ERC2: variants seen among roughly 807,000 people sequenced by gnomAD.
The protein encoded by ERC2 is ELKS/RAB6-interacting/CAST family member 2.
In ERC2, 42 loss-of-function variants were observed where a neutral mutation model predicts 114.8. The observed-to-expected ratio is 0.37, with a 90% CI of 0.29 to 0.47. The LOEUF (loss-of-function observed/expected upper bound fraction) is 0.47, where lower values mean the gene tolerates loss of function less well. Ranked by LOEUF, ERC2 falls within the 20% of genes least tolerant of loss-of-function variation. ERC2 has a pLI of 0.99. For synonymous variants in ERC2, 454 were observed against 425.5 expected, an observed-to-expected ratio of 1.07 and a Z score of -0.82; for missense variants, 939 against 1,150.7, an observed-to-expected ratio of 0.82 and a Z score of 2.66.
chr3:55,830,929 G>A (rs924363378), intron 14 of ERC2, among the ~76,000 whole-genome samples: 1 of 152,066 alleles, frequency 6.6e-6, no homozygotes, highest in Non-Finnish European at 1.5e-5. Context: ...GAGTGGCAGA[G>A]TGACACCCCA....
chr3:56,461,433 T>C (rs2107573088), intron 1 of ERC2, among the ~76,000 whole-genome samples: 1 of 152,286 alleles, frequency 6.6e-6, no homozygotes. Flanking sequence ...AAGGGCTCCA[T>C]CTCAACACAC....
intron 7 of ERC2, among the ~76,000 whole-genome samples, chr3:56,058,695 G>C (rs1442968122): frequency 6.6e-6 from 1 of 152,112 alleles, no homozygotes; most frequent in African/African-American, 2.4e-5. Context: ...CTGCCTTCAG[G>C]CTTCATCTGC....
At chr3:56,183,828 T>A (rs886336025) in intron 3 of ERC2, among the ~76,000 whole-genome samples, 1 of 151,898 alleles carries the variant, frequency 6.6e-6, no homozygotes, top group Non-Finnish European at 1.5e-5. Context: ...AGAGATGAGA[T>A]CCAAGAGGTA....
At chr3:56,278,142 C>T (rs930066945) in intron 3 of ERC2, among the ~76,000 whole-genome samples, 1 of 152,176 alleles carries the variant, frequency 6.6e-6, no homozygotes, top group African/African-American at 2.4e-5. Flanking sequence ...AAATGTTAGT[C>T]ATGATGATGA....
intron 3 of ERC2, among the ~76,000 whole-genome samples, chr3:56,283,856 T>G (rs2054511374): frequency 6.6e-6 from 1 of 152,244 alleles, no homozygotes; most frequent in Non-Finnish European, 1.5e-5. Flanking sequence ...GAGTGGCAGC[T>G]AATCTCCTTA....
intron 17 of ERC2, among the ~76,000 whole-genome samples, chr3:55,512,955 G>A (rs1002385783): frequency 2.6e-5 from 4 of 152,186 alleles, no homozygotes; most frequent in Admixed American, 6.5e-5. Context: ...TTCTGGGGGG[G>A]CAAAGAAGCA....
chr3:55,945,570 ATGT>A, intron 13 of ERC2, among the ~76,000 whole-genome samples: 1 of 152,328 alleles, frequency 6.6e-6, no homozygotes, highest in African/African-American at 2.4e-5. Context: ...TTTGAGGTTT[ATGT>A]TGTTTGTTAC....
chr3:55,695,878 T>C (rs1478114800), intron 16 of ERC2, among the ~76,000 whole-genome samples: 2 of 152,218 alleles, frequency 1.3e-5, no homozygotes, highest in African/African-American at 4.8e-5. Context: ...AATACTGGAT[T>C]AAATTAAATT....
At chr3:56,164,608 C>A (rs570130163) in intron 4 of ERC2, among the ~76,000 whole-genome samples, 1 of 151,992 alleles carries the variant, frequency 6.6e-6, no homozygotes, top group South Asian at 2.1e-4. Context: ...TGGGTGTGTA[C>A]CTACAAGTGA....
At chr3:55,622,490 T>C (rs2059368391) in intron 17 of ERC2, among the ~76,000 whole-genome samples, 1 of 152,120 alleles carries the variant, frequency 6.6e-6, no homozygotes, top group Non-Finnish European at 1.5e-5. Context: ...CAAAGGAAGA[T>C]AAAAGTGTGG....
chr3:56,154,767 T>G (rs2081603741), intron 4 of ERC2, among the ~76,000 whole-genome samples: 1 of 152,276 alleles, frequency 6.6e-6, no homozygotes, highest in Middle Eastern at 3.4e-3. Context: ...ACTATGCTCC[T>G]GAGTATGTTA....
intron 2 of ERC2, among the ~76,000 whole-genome samples, chr3:56,433,179 A>T (rs2061866064): frequency 2.2e-5 from 1 of 44,936 alleles, no homozygotes; most frequent in Admixed American, 3.3e-4. Flanking sequence ...CCTGTCTCTT[A>T]AAAAAAAAAA....
intron 11 of ERC2, among the ~76,000 whole-genome samples, chr3:55,986,864 T>C (rs2070682487): frequency 1.3e-5 from 2 of 151,994 alleles, no homozygotes; most frequent in Non-Finnish European, 2.9e-5. Flanking sequence ...TAGGAGCACA[T>C]AGTGGACATT....
At chr3:55,521,851 GCTGGC>G (rs2107208469) in intron 17 of ERC2, among the ~76,000 whole-genome samples, 2 of 152,314 alleles carry the variant, frequency 1.3e-5, no homozygotes, top group South Asian at 4.1e-4. Flanking sequence ...GTTGACACAC[GCTGGC>G]CTGGGTCGGT....
intron 5 of ERC2, among the ~76,000 whole-genome samples, chr3:56,140,982 C>T (rs1329115139): frequency 6.6e-6 from 1 of 152,138 alleles, no homozygotes; most frequent in Non-Finnish European, 1.5e-5. Flanking sequence ...CGAGATCACG[C>T]CACTGCCCTC....
chr3:55,691,573 A>AAAAAATAT (rs1553631525), intron 16 of ERC2, among the ~76,000 whole-genome samples: 17 of 39,726 alleles, frequency 4.3e-4, no homozygotes, highest in East Asian at 9.1e-4. Flanking sequence ...AAAAAAAAAA[A>AAAAAATAT]ATATATATAT....
Position 56,414,745 on chromosome 3 carries a change from A to G in ERC2, c.657+19606T>C, listed in dbSNP as rs189246342. On this transcript the variant is annotated intron_variant, in intron 2 of 17. Coordinates refer to ENST00000288221, the MANE Select transcript of ERC2 (RefSeq NM_015576.3). ...GTCTCAAAAAAAAAAAAAAGAAAAG[A>G]AAAGGAAAAGAAAAAGATGTCCCTT... Among the ~76,000 whole-genome samples, 266 of 151,254 alleles carry G rather than the reference A, an allele frequency of 1.8e-3. 1 individual carries two copies. The highest frequency in any genetic ancestry group is 3.5e-3 in the South Asian group (17 of 4,790).
At chr3:56,414,759 A>T (rs1162552623) in intron 2 of ERC2, among the ~76,000 whole-genome samples, 3 of 151,562 alleles carry the variant, frequency 2.0e-5, no homozygotes, top group Non-Finnish European at 4.4e-5. Context: ...GGAAAAGAAA[A>T]AGATGTCCCT....
intron 6 of ERC2, among the ~76,000 whole-genome samples, chr3:56,102,481 C>T (rs2078415818): frequency 6.6e-6 from 1 of 152,100 alleles, no homozygotes; most frequent in Non-Finnish European, 1.5e-5. Flanking sequence ...TGGATTCACC[C>T]CACAGGTTTC....
Sources: allele counts gnomAD v4.1 joint callset (sites outside exome capture counted in the v4.1 genomes callset), GRCh38; gene constraint gnomAD v4.1.1; transcripts MANE v1.5; gene names NCBI Gene and HGNC (gene_info 2026-07-23, HGNC 2026-07-21).